C2CD3: variants seen among roughly 807,000 people sequenced by gnomAD.
The protein encoded by C2CD3 is C2 domain-containing protein 3.
A neutral mutation model predicts 234.0 loss-of-function variants in C2CD3; 148 were observed. The observed-to-expected ratio is 0.63, with a 90% CI of 0.55 to 0.72. The LOEUF (loss-of-function observed/expected upper bound fraction) is 0.72. C2CD3 is among the 30% of genes least tolerant of loss of function. The pLI, the probability that C2CD3 is intolerant of heterozygous loss-of-function variation, is 0.00. For synonymous variants in C2CD3, 1,000 were observed against 1,035.4 expected, an observed-to-expected ratio of 0.97 and a Z score of 0.66; for missense variants, 2,577 against 2,811.5, an observed-to-expected ratio of 0.92 and a Z score of 1.89.
chr11:74,123,229 G>C, intron 7 of C2CD3, 94 bp from the exon 8 acceptor site: 1 of 849,904 alleles, frequency 1.2e-6, no homozygotes, highest in Non-Finnish European at 1.8e-6. Context: ...TTCTAAATGT[G>C]GAAGGAGATA....
chr11:74,151,452 T>C (rs1855653376), intron 3 of C2CD3, among the ~76,000 whole-genome samples: 1 of 151,908 alleles, frequency 6.6e-6, no homozygotes, highest in Non-Finnish European at 1.5e-5. Flanking sequence ...TCAGCCTCCC[T>C]AGTAGCTGGG....
At position 74,033,634 on chromosome 11, in the gene C2CD3, G is replaced by A; in HGVS notation, c.6526C>T (p.Pro2176Ser). 6.5e-7 allele frequency: 1 copy of A among 1,536,192 alleles called. No individual in the cohort carries two copies. Among genetic ancestry groups the A allele is most frequent in the Non-Finnish European group, 8.7e-7 (1 of 1,146,918 alleles). ...ESASANPQPI[P>S]CPTLSGAQQS... ...TGAGCTCCTGAGAGTGTTGGGCATG[G>A]GATGGGCTGAGGGTTGGCTGAGGCA... Residue 2176 changes from proline (P) to serine (S), a missense_variant, in exon 31 of 33, where the codon CCA (proline) becomes TCA (serine). Transcript: ENST00000334126.
chr11:74,132,749 G>A, intron 7 of C2CD3, 95 bp downstream of exon 7: 1 of 1,228,140 alleles, frequency 8.1e-7, no homozygotes, highest in East Asian at 2.3e-5. Context: ...GTTAGTCTAA[G>A]GACATGTTAC....
intron 3 of C2CD3, among the ~76,000 whole-genome samples, chr11:74,154,830 C>T (rs896801921): frequency 6.6e-6 from 1 of 151,906 alleles, no homozygotes; most frequent in African/African-American, 2.4e-5. Flanking sequence ...CCAAAAAGCC[C>T]ATGAAAAAAT....
At position 74,078,635 on chromosome 11, in the gene C2CD3, A is replaced by G. The variant is rs1955183947; in HGVS notation, c.4083T>C (p.Gly1361=). The stretch of plus-strand genomic sequence containing the variant: ...TGAAGGAAATCGAAAGCTCCAGACC[A>G]CCCACGATCTTCTGCATGAGCTCCA... ...HGLELMQKIV[G]GLELSISFTH... is the part of the protein sequence containing the mutation. The change falls in exon 23 of 33, where the codon GGT becomes GGC. Residue 1361 remains glycine (G), a synonymous_variant. Coordinates refer to ENST00000334126, the MANE Select transcript of C2CD3 (RefSeq NM_001286577.2). 6.2e-7 allele frequency: 1 copy of G among 1,613,876 alleles called. No homozygotes were observed. Among genetic ancestry groups the G allele is most frequent in the Admixed American group, 1.7e-5 (1 of 59,966 alleles).
chr11:74,131,213 C>T (rs1957667419), intron 7 of C2CD3, among the ~76,000 whole-genome samples: 2 of 151,162 alleles, frequency 1.3e-5, no homozygotes, highest in Middle Eastern at 6.8e-3. Flanking sequence ...ATCCCAGCTA[C>T]TTGGGAGGCT....
At chr11:74,137,002 A>G (rs191062758) in intron 5 of C2CD3, among the ~76,000 whole-genome samples, 2 of 149,656 alleles carry the variant, frequency 1.3e-5, no homozygotes, top group Non-Finnish European at 3.0e-5. Flanking sequence ...TTTCCCTTAG[A>G]TCTTTAATGT....
Position 74,048,293 on chromosome 11 carries a change from C to T in C2CD3, c.5407G>A (p.Ala1803Thr), listed in dbSNP as rs1230933651. The T allele has an allele frequency of 6.2e-7, 1 of 1,613,676 alleles. No individual in the cohort carries two copies. The highest frequency in any genetic ancestry group is 1.7e-5 in the Admixed American group (1 of 59,976). The change falls in exon 28 of 33, where the codon GCT (alanine) becomes ACT (threonine). Residue 1803 changes from alanine to threonine, a missense_variant. Coordinates refer to ENST00000334126, the MANE Select transcript of C2CD3 (RefSeq NM_001286577.2). ...PFSFPASDTY[A>T]AFSSHMARQT... The stretch of plus-strand genomic sequence containing the variant: ...CTTGCCATGTGGCTGGAGAATGCAG[C>T]ATACGTATCAGAGGCAGGGAAGGAA...
Position 74,106,353 on chromosome 11 carries a change from G to A in C2CD3, c.2085+18C>T. The A allele has an allele frequency of 6.2e-7, 1 of 1,612,390 alleles. No homozygotes were observed. The highest frequency in any genetic ancestry group is 8.5e-7 in the Non-Finnish European group (1 of 1,179,226). On this transcript the variant is annotated intron_variant, in intron 13 of 32. Coordinates refer to ENST00000334126, the MANE Select transcript of C2CD3 (RefSeq NM_001286577.2). ...ACTCAGCAAATACTTCTGACTTCCT[G>A]AATGTATATCTACATACCTTGAGGG... is the stretch of plus-strand genomic sequence containing the variant.
intron 2 of C2CD3, among the ~76,000 whole-genome samples, chr11:74,166,557 AG>A (rs1365245396): frequency 6.6e-6 from 1 of 152,226 alleles, no homozygotes; most frequent in Non-Finnish European, 1.5e-5. Context: ...ATAGAGTAGA[AG>A]CAGGATTCTG....
chr11:74,090,864 A>G lies in C2CD3; in HGVS notation c.3590T>C (p.Val1197Ala). ...TCTGATAATCTGGACTGAGATGGAA[A>G]CAGTTCGGGCAGCAAGAACTCCCTC... Reference protein sequence around the residue: ...TAEGVLAARTVSISVQIIRAC... With the variant: ...TAEGVLAARTASISVQIIRAC... Residue 1197 changes from valine to alanine, a missense_variant, in exon 20 of 33, where the codon GTT becomes GCT. Physicochemically the swap from Val to Ala is moderately conservative, Grantham distance 64 (BLOSUM62 0). Transcript: ENST00000334126. The G allele has an allele frequency of 6.2e-7, 1 of 1,614,144 alleles. No homozygotes were observed. The highest frequency in any genetic ancestry group is 8.5e-7 in the Non-Finnish European group (1 of 1,179,998).
intron 3 of C2CD3, among the ~76,000 whole-genome samples, chr11:74,158,766 A>G (rs546836278): frequency 1.3e-5 from 2 of 152,156 alleles, no homozygotes; most frequent in East Asian, 1.9e-4. Flanking sequence ...CAACATCACT[A>G]TGATTATGGA....
chr11:74,069,601 A>C (rs186365573), intron 24 of C2CD3, among the ~76,000 whole-genome samples: 1 of 152,354 alleles, frequency 6.6e-6, no homozygotes, highest in African/African-American at 2.4e-5. Flanking sequence ...CCCTATTATA[A>C]AAATAAGGCA....
chr11:74,041,051 T>C (rs1313641545), intron 29 of C2CD3, among the ~76,000 whole-genome samples: 2 of 151,588 alleles, frequency 1.3e-5, no homozygotes, highest in Non-Finnish European at 2.9e-5. Context: ...TCTGTATGGG[T>C]AACTTTTTAA....
At chr11:74,024,024 C>T (rs757167137) in intron 32 of C2CD3, among the ~76,000 whole-genome samples, 18 of 152,242 alleles carry the variant, frequency 1.2e-4, no homozygotes, top group Non-Finnish European at 2.4e-4. Context: ...ATCTCTAATA[C>T]TGTTGAACAG....
At chr11:74,050,476 C>T (rs1036868499) in intron 26 of C2CD3, among the ~76,000 whole-genome samples, 1 of 152,174 alleles carries the variant, frequency 6.6e-6, no homozygotes, top group Non-Finnish European at 1.5e-5. Flanking sequence ...TCTGACATGA[C>T]GTAGCTGGGG....
intron 8 of C2CD3, among the ~76,000 whole-genome samples, chr11:74,122,777 C>G (rs1349008597): frequency 6.6e-6 from 1 of 152,234 alleles, no homozygotes; most frequent in African/African-American, 2.4e-5. Flanking sequence ...GGCTCTAATA[C>G]TTATTTGCTA....
At chr11:74,110,949 G>A (rs1429301635) in intron 11 of C2CD3, among the ~76,000 whole-genome samples, 1 of 152,188 alleles carries the variant, frequency 6.6e-6, no homozygotes, top group African/African-American at 2.4e-5. Context: ...ACCCAGTCTT[G>A]CAATTCTTTG....
intron 3 of C2CD3, among the ~76,000 whole-genome samples, chr11:74,157,857 G>A (rs1856143367): frequency 1.3e-5 from 2 of 151,996 alleles, no homozygotes; most frequent in African/African-American, 4.8e-5. Flanking sequence ...TATTACACAG[G>A]GTTCTGGAAA....
Sources: gnomAD v4.1 joint callset for allele counts (sites outside exome capture counted in the v4.1 genomes callset) on GRCh38, gnomAD v4.1.1 for gene constraint, MANE v1.5 for transcripts, NCBI Gene and HGNC (gene_info 2026-07-23, HGNC 2026-07-21) for gene names.